The following ST6GALNAC3 variants were observed in gnomAD, a reference collection of about 807,000 sequenced individuals.
ST6GALNAC3 encodes the protein ST6 N-acetylgalactosaminide alpha-2,6-sialyltransferase 3.
A neutral mutation model predicts 32.7 loss-of-function variants in ST6GALNAC3; 25 were observed. The ratio of observed to expected loss-of-function variants is 0.76; its 90% CI spans 0.56 to 1.07. ST6GALNAC3 has a LOEUF of 1.07. ST6GALNAC3 is among the 50% of genes least tolerant of loss of function. The pLI is 0.00. For synonymous variants in ST6GALNAC3, 129 were observed against 133.1 expected (o/e 0.97, Z 0.21); for missense variants, 355 against 382.4 (o/e 0.93, Z 0.60).
At chr1:76,241,072 T>A (rs553055848) in intron 1 of ST6GALNAC3, among the ~76,000 whole-genome samples, 1 of 152,346 alleles carries the variant, frequency 6.6e-6, no homozygotes, top group South Asian at 2.1e-4. Context: ...GTTACTCACT[T>A]GCAAAATGTG....
chr1:76,332,832 A>G (rs1647216684), intron 2 of ST6GALNAC3, among the ~76,000 whole-genome samples: 1 of 152,164 alleles, frequency 6.6e-6, no homozygotes, highest in East Asian at 1.9e-4. Context: ...TGAATTTTCA[A>G]GTGCCAGCTC....
At chr1:76,278,836 G>T (rs1659334507) in intron 1 of ST6GALNAC3, among the ~76,000 whole-genome samples, 1 of 152,142 alleles carries the variant, frequency 6.6e-6, no homozygotes, top group Non-Finnish European at 1.5e-5. Flanking sequence ...GAGCGAATGT[G>T]TTTATGGTAA....
chr1:76,309,271 GT>G (rs1646708007), intron 1 of ST6GALNAC3, among the ~76,000 whole-genome samples: 1 of 151,806 alleles, frequency 6.6e-6, no homozygotes, highest in African/African-American at 2.4e-5. Context: ...TTTTATTTCG[GT>G]TTTTTCAGCA....
At chr1:76,315,091 A>T (rs936021652) in intron 2 of ST6GALNAC3, among the ~76,000 whole-genome samples, 2 of 151,798 alleles carry the variant, frequency 1.3e-5, no homozygotes, top group African/African-American at 4.8e-5. Context: ...GTTGAAAAAA[A>T]GCACCATTAA....
intron 2 of ST6GALNAC3, among the ~76,000 whole-genome samples, chr1:76,373,878 GA>G (rs1651016747): frequency 6.6e-6 from 1 of 152,172 alleles, no homozygotes; most frequent in African/African-American, 2.4e-5. Context: ...TCTAGAGACA[GA>G]AAAAGTGTTT....
At chr1:76,330,085 A>G (rs1647161174) in intron 2 of ST6GALNAC3, among the ~76,000 whole-genome samples, 1 of 151,752 alleles carries the variant, frequency 6.6e-6, no homozygotes, top group African/African-American at 2.4e-5. Context: ...TTACAAGCGT[A>G]AGCCACCATG....
chr1:76,513,840 C>A (rs567854644), intron 3 of ST6GALNAC3, among the ~76,000 whole-genome samples: 4 of 151,942 alleles, frequency 2.6e-5, no homozygotes, highest in African/African-American at 9.7e-5. Context: ...CTTTCCTCAG[C>A]GTTTTATAGT....
chr1:76,369,456 G>A (rs553784778), intron 2 of ST6GALNAC3, among the ~76,000 whole-genome samples: 1 of 152,302 alleles, frequency 6.6e-6, no homozygotes, highest in African/African-American at 2.4e-5. Flanking sequence ...ATTGAACCTT[G>A]TGGTGATTCT....
In ST6GALNAC3 at chr1:76,415,171, C is replaced by CTTTTTTTT. The variant is rs71072000; in HGVS notation, c.623+2769_623+2776dup. 2.0e-4 allele frequency among the ~76,000 whole-genome samples: 14 copies of CTTTTTTTT among 70,456 alleles called. 1 individual carries two copies. Among genetic ancestry groups the CTTTTTTTT allele is most frequent in the South Asian group, 1.9e-3 (3 of 1,614 alleles). The allele number at this position is 70,456 out of a possible 152,430, so 46.2% of individuals were successfully genotyped here. A position where few individuals can be genotyped will look rare whatever the true frequency, so the allele number is the denominator to read the frequency against. ...TATTGAGGCTTGGTTGGATTCATGT[C>CTTTTTTTT]TTTTTTTTTTTTTTTTTTTTTTGCC... is the stretch of plus-strand genomic sequence containing the variant. On this transcript the variant is annotated intron_variant, in intron 3 of 4. Transcript: ENST00000328299.
In ST6GALNAC3 at chr1:76,261,923, T is replaced by A. The variant is rs150477967; in HGVS notation, c.19-51882T>A. On this transcript the variant is annotated intron_variant, in intron 1 of 4. Transcript: ENST00000328299. The stretch of plus-strand genomic sequence containing the variant: ...CACTAAACCACATTTTGAGAGTATC[T>A]GGAATGGAGAACCTCCAGTGGTTTA... 4.0e-3 allele frequency among the ~76,000 whole-genome samples: 612 copies of A among 152,320 alleles called. 5 individuals carry two copies. The highest frequency in any genetic ancestry group is 0.014 in the African/African-American group (591 of 41,568).
Position 76,078,424 on chromosome 1 carries a change from C to T in ST6GALNAC3, c.18+3540C>T, listed in dbSNP as rs116953195. 1.5e-4 allele frequency among the ~76,000 whole-genome samples: 23 copies of T among 152,184 alleles called. No homozygotes were observed. The East Asian group carries it at 3.7e-3, about 24-fold the overall frequency. Reference sequence around the variant, plus strand: ...TCTGCCAATGCATAGCGCTAGTTCTCGTAACAGAACGATGATCACTTCATA... The same window carrying T: ...TCTGCCAATGCATAGCGCTAGTTCTTGTAACAGAACGATGATCACTTCATA... On this transcript the variant is annotated intron_variant, in intron 1 of 4. Coordinates refer to ENST00000328299, the MANE Select transcript of ST6GALNAC3 (RefSeq NM_152996.4).
chr1:76,276,283 T>A (rs1164604580), intron 1 of ST6GALNAC3, among the ~76,000 whole-genome samples: 1 of 152,008 alleles, frequency 6.6e-6, no homozygotes, highest in Admixed American at 6.6e-5. Flanking sequence ...GCCTCCTATA[T>A]CCCCTGACAG....
At chr1:76,616,348 A>T (rs1394763718) in intron 3 of ST6GALNAC3, among the ~76,000 whole-genome samples, 1 of 152,160 alleles carries the variant, frequency 6.6e-6, no homozygotes, top group Admixed American at 6.5e-5. Context: ...CCTTAGCAAA[A>T]TTTAATTGGA....
chr1:76,295,878 C>CTA (rs1431280981), intron 1 of ST6GALNAC3, among the ~76,000 whole-genome samples: 6 of 152,042 alleles, frequency 3.9e-5, no homozygotes, highest in Admixed American at 3.9e-4. Flanking sequence ...TGCTTTCTTT[C>CTA]TACTATAGGG....
At chr1:76,156,381 C>T (rs923745793) in intron 1 of ST6GALNAC3, among the ~76,000 whole-genome samples, 11 of 152,120 alleles carry the variant, frequency 7.2e-5, no homozygotes, top group African/African-American at 2.4e-4. Context: ...CCTCAGAGAG[C>T]ACAGTACCTA....
chr1:76,467,930 G>A lies in ST6GALNAC3; in HGVS notation c.623+55513G>A, dbSNP rs150561180. 6.8e-3 allele frequency among the ~76,000 whole-genome samples: 1,035 copies of A among 152,028 alleles called. 9 individuals are homozygous for A. The highest frequency in any genetic ancestry group is 0.02 in the Middle Eastern group (6 of 294). ...AGCAGTACTCAGGTAAGGACATTTC[G>A]TTTTAATGTAACGCCAGTGAGGAGC... is the stretch of plus-strand genomic sequence containing the variant. On this transcript the variant is annotated intron_variant, in intron 3 of 4. Coordinates refer to ENST00000328299, the MANE Select transcript of ST6GALNAC3 (RefSeq NM_152996.4).
At chr1:76,264,469 G>A (rs1658419998) in intron 1 of ST6GALNAC3, among the ~76,000 whole-genome samples, 1 of 152,170 alleles carries the variant, frequency 6.6e-6, no homozygotes. Flanking sequence ...AGTAACTGCT[G>A]CCCTGCTCTT....
chr1:76,520,032 A>G (rs1208641956), intron 3 of ST6GALNAC3, among the ~76,000 whole-genome samples: 2 of 152,078 alleles, frequency 1.3e-5, no homozygotes, highest in Middle Eastern at 3.4e-3. Context: ...AATTAAATAC[A>G]TATTTCCATT....
chr1:76,119,878 G>A (rs781276073), intron 1 of ST6GALNAC3, among the ~76,000 whole-genome samples: 8 of 111,908 alleles, frequency 7.1e-5, no homozygotes, highest in African/African-American at 2.0e-4. Flanking sequence ...TGGCAGGTCC[G>A]TGGGACTGTA....
Sources: gnomAD v4.1 joint callset for allele counts (sites outside exome capture counted in the v4.1 genomes callset) on GRCh38, gnomAD v4.1.1 for gene constraint, MANE v1.5 for transcripts, NCBI Gene and HGNC (gene_info 2026-07-23, HGNC 2026-07-21) for gene names.